The following SAMMSON variants were observed in gnomAD, a reference collection of about 807,000 sequenced individuals.
SAMMSON encodes long intergenic non-protein coding RNA 1212.
At chr3:70,251,398 A>G (rs1701766868) in intron 6 of SAMMSON, among the ~76,000 whole-genome samples, 1 of 152,214 alleles carries the variant, frequency 6.6e-6, no homozygotes, top group Non-Finnish European at 1.5e-5. Flanking sequence ...CTGACTATGC[A>G]TCCCAAGATT....
chr3:70,111,377 T>C (rs2067388647), intron 4 of SAMMSON, among the ~76,000 whole-genome samples: 1 of 152,144 alleles, frequency 6.6e-6, no homozygotes, highest in African/African-American at 2.4e-5. Flanking sequence ...ATAGCAGACG[T>C]ATGCATAGTT....
chr3:70,183,258 T>A lies in SAMMSON; in HGVS notation n.508-65849T>A, dbSNP rs192867702. 5.9e-5 allele frequency: 9 copies of A among 152,334 alleles called. No individual in the cohort carries two copies. In the East Asian group the frequency reaches 1.7e-3, roughly 29 times the overall value. The allele number at this position is 152,334 out of a possible 1,614,324, so 9.4% of individuals were successfully genotyped here. ...TATGAATGTGCATTATGGATTTACTTATTTGATCCTTTTCAGTTTTCAGGA... is the reference window on the plus strand; with the variant it reads ...TATGAATGTGCATTATGGATTTACTAATTTGATCCTTTTCAGTTTTCAGGA... On this transcript the variant is annotated intron_variant and non_coding_transcript_variant, in intron 4 of 9. Transcript: ENST00000642114.
intron 4 of SAMMSON, among the ~76,000 whole-genome samples, chr3:70,165,363 T>A (rs2067632770): frequency 6.6e-6 from 1 of 151,900 alleles, no homozygotes; most frequent in African/African-American, 2.4e-5. Flanking sequence ...GGTGCTTAGA[T>A]CATGAGGGCA....
chr3:70,397,317 T>C (rs1046081666), intron 2 of SAMMSON, among the ~76,000 whole-genome samples: 1 of 152,072 alleles, frequency 6.6e-6, no homozygotes, highest in African/African-American at 2.4e-5. Flanking sequence ...TTCTTTTTGT[T>C]TTTTTGGGAC....
chr3:70,087,902 G>C (rs1294378346), intron 4 of SAMMSON, among the ~76,000 whole-genome samples: 1 of 152,136 alleles, frequency 6.6e-6, no homozygotes, highest in East Asian at 1.9e-4. Context: ...GTATGGATGA[G>C]TTATTAAAGA....
intron 9 of SAMMSON, among the ~76,000 whole-genome samples, chr3:70,378,885 G>A (rs899842048): frequency 2.6e-5 from 4 of 152,006 alleles, no homozygotes; most frequent in African/African-American, 4.8e-5. Context: ...ATACATAAAC[G>A]CAGAGTGTTC....
chr3:70,284,058 A>G (rs911310933), intron 6 of SAMMSON, among the ~76,000 whole-genome samples: 8 of 152,122 alleles, frequency 5.3e-5, no homozygotes, highest in African/African-American at 1.4e-4. Context: ...AAATCCTGGA[A>G]TGAACTTGGT....
intron 7 of SAMMSON, among the ~76,000 whole-genome samples, chr3:70,330,260 A>T (rs919158952): frequency 6.6e-6 from 1 of 152,066 alleles, no homozygotes; most frequent in South Asian, 2.1e-4. Flanking sequence ...TATTTTTAAA[A>T]TCTTAATCAT....
intron 3 of SAMMSON, among the ~76,000 whole-genome samples, chr3:70,021,880 G>C (rs2067014612): frequency 6.6e-6 from 1 of 151,998 alleles, no homozygotes; most frequent in Admixed American, 6.6e-5. Context: ...AAACCTGAGG[G>C]CCATTTCTTT....
chr3:70,344,257 A>T (rs933697597), intron 7 of SAMMSON, among the ~76,000 whole-genome samples: 15 of 152,098 alleles, frequency 9.9e-5, no homozygotes, highest in Admixed American at 2.6e-4. Flanking sequence ...CCAGTTCCAT[A>T]AGGAGACGAA....
chr3:70,391,910 A>G (rs1487225432), downstream of SAMMSON, among the ~76,000 whole-genome samples: 3 of 152,158 alleles, frequency 2.0e-5, no homozygotes, highest in African/African-American at 7.2e-5. Flanking sequence ...TCATGCAACA[A>G]TATTTACAAG....
chr3:70,147,320 C>G (rs1171921654), intron 4 of SAMMSON, among the ~76,000 whole-genome samples: 2 of 151,830 alleles, frequency 1.3e-5, no homozygotes, highest in Admixed American at 6.6e-5. Flanking sequence ...ATGTCTGGTT[C>G]TAAAATTTTT....
At chr3:70,041,754 G>A in intron 3 of SAMMSON, among the ~76,000 whole-genome samples, 2 of 152,100 alleles carry the variant, frequency 1.3e-5, no homozygotes, top group East Asian at 1.9e-4. Flanking sequence ...ATGATTTAAA[G>A]TATAAAAGAG....
At chr3:70,103,734 T>TA (rs34436205) in intron 4 of SAMMSON, among the ~76,000 whole-genome samples, 1 of 152,118 alleles carries the variant, frequency 6.6e-6, no homozygotes, top group Non-Finnish European at 1.5e-5. Flanking sequence ...TATTGGAGGC[T>TA]AAAAAAGGCA....
chr3:70,364,055 TC>T (rs1468491703), intron 9 of SAMMSON, among the ~76,000 whole-genome samples: 1 of 152,012 alleles, frequency 6.6e-6, no homozygotes, highest in Admixed American at 6.6e-5. Context: ...CCCCCTTTCC[TC>T]CTAATACTTA....
intron 2 of SAMMSON, among the ~76,000 whole-genome samples, chr3:70,418,738 C>T (rs1701284553): frequency 1.3e-5 from 2 of 152,184 alleles, no homozygotes; most frequent in Admixed American, 1.3e-4. Flanking sequence ...TCTCTGAAAC[C>T]CAGCAGTGTA....
At chr3:70,307,614 G>A (rs770497150) in intron 7 of SAMMSON, among the ~76,000 whole-genome samples, 29 of 151,476 alleles carry the variant, frequency 1.9e-4, no homozygotes, top group African/African-American at 2.9e-4. Context: ...TATTTTTCTC[G>A]CTTCAAGGCT....
At chr3:70,334,177 G>A (rs1702645719) in intron 7 of SAMMSON, among the ~76,000 whole-genome samples, 1 of 152,140 alleles carries the variant, frequency 6.6e-6, no homozygotes, top group South Asian at 2.1e-4. Context: ...TATGCAAGCA[G>A]CTTTCTGCTA....
intron 4 of SAMMSON, among the ~76,000 whole-genome samples, chr3:70,173,308 G>T (rs1006489745): frequency 1.3e-5 from 2 of 151,898 alleles, no homozygotes; most frequent in Admixed American, 1.3e-4. Context: ...CCCGTGGGAT[G>T]TGCTGCATTA....
Sources: allele counts gnomAD v4.1 joint callset (sites outside exome capture counted in the v4.1 genomes callset), GRCh38; gene constraint gnomAD v4.1.1; transcripts MANE v1.5; gene names NCBI Gene and HGNC (gene_info 2026-07-23, HGNC 2026-07-21).